ATP2C1: variants seen among roughly 807,000 people sequenced by gnomAD.
ATP2C1 encodes calcium-transporting ATPase type 2C member 1.
Under a neutral mutation model 120.5 loss-of-function variants are expected in ATP2C1, and 31 were observed. The observed-to-expected ratio is 0.26, with a 90% confidence interval of 0.19 to 0.35. ATP2C1 has a LOEUF of 0.35. ATP2C1 is among the 10% of genes least tolerant of loss of function. ATP2C1 has a pLI of 1.00. For missense variants in ATP2C1, 731 were observed against 1,107.5 expected (o/e 0.66, Z 4.83); for synonymous variants, 351 against 358.7 (o/e 0.98, Z 0.24).
At chr3:130,918,666 T>C in intron 2 of ATP2C1, 1 of 538,226 alleles carries the variant, frequency 1.9e-6, no homozygotes, top group Non-Finnish European at 3.5e-6. Context: ...TGTCTTGCTA[T>C]CTAAATTATT....
chr3:131,014,214 G>C (rs772872624), intron 26 of ATP2C1: 1 of 1,592,550 alleles, frequency 6.3e-7, no homozygotes, highest in East Asian at 2.2e-5. Flanking sequence ...TTTTTTTTTT[G>C]AATTTGATCT....
At chr3:130,920,586 A>G (rs964439654) in intron 2 of ATP2C1, among the ~76,000 whole-genome samples, 5 of 152,240 alleles carry the variant, frequency 3.3e-5, no homozygotes, top group Middle Eastern at 3.4e-3. Context: ...GCTTTGTAAT[A>G]TTAATATATT....
chr3:130,977,498 G>C (rs2061577168), intron 18 of ATP2C1, among the ~76,000 whole-genome samples: 1 of 152,144 alleles, frequency 6.6e-6, no homozygotes, highest in Non-Finnish European at 1.5e-5. Context: ...ATAGCAAGAG[G>C]TTTTAAAGTG....
intron 8 of ATP2C1, among the ~76,000 whole-genome samples, chr3:130,951,704 T>C (rs2060375465): frequency 6.6e-6 from 1 of 152,182 alleles, no homozygotes; most frequent in African/African-American, 2.4e-5. Context: ...GGTAATGAAC[T>C]CAGATTTATT....
chr3:130,869,626 T>C (rs947268303), intron 1 of ATP2C1, among the ~76,000 whole-genome samples: 1 of 152,152 alleles, frequency 6.6e-6, no homozygotes, highest in African/African-American at 2.4e-5. Flanking sequence ...AACAGTATTT[T>C]TGCTAATGTG....
intron 6 of ATP2C1, among the ~76,000 whole-genome samples, chr3:130,938,605 G>C (rs1434121466): frequency 6.6e-6 from 1 of 152,196 alleles, no homozygotes; most frequent in Admixed American, 6.5e-5. Context: ...TCAGGGTTCC[G>C]CTTTTAGGGG....
intron 20 of ATP2C1, among the ~76,000 whole-genome samples, chr3:130,986,661 A>G (rs192939324): frequency 6.6e-6 from 1 of 152,296 alleles, no homozygotes; most frequent in African/African-American, 2.4e-5. Flanking sequence ...TTAAAGTGGA[A>G]TTCTATAAAT....
chr3:130,899,298 G>T (rs1162303044), intron 2 of ATP2C1: 1 of 152,086 alleles, frequency 6.6e-6, no homozygotes, highest in Non-Finnish European at 1.5e-5. Context: ...CTCTACTGTT[G>T]CCTGGAAGCC....
chr3:130,932,097 A>G lies in ATP2C1; in HGVS notation c.193A>G (p.Ile65Val). 6.2e-7 allele frequency: 1 copy of G among 1,612,266 alleles called. No homozygotes were observed. Residue 65 changes from isoleucine to valine, a missense_variant, in exon 4 of 28, where the codon ATT (isoleucine) becomes GTT (valine). By Grantham distance (29) the Ile-to-Val change is conservative. Transcript: ENST00000510168. ...CTTTCATGGCTGGAATGAGTTTGAT[A>G]TTAGTGAAGATGAGCCACTGTGGAA... Reference protein sequence around the residue: ...RAFHGWNEFDISEDEPLWKKY... With the variant: ...RAFHGWNEFDVSEDEPLWKKY...
chr3:130,993,575 C>T (rs1022209932), intron 21 of ATP2C1, among the ~76,000 whole-genome samples: 2 of 152,150 alleles, frequency 1.3e-5, no homozygotes, highest in African/African-American at 4.8e-5. Context: ...ATTCTTGGCC[C>T]CTTCCCACTA....
chr3:130,963,713 A>G, intron 12 of ATP2C1: 4 of 451,038 alleles, frequency 8.9e-6, no homozygotes, highest in East Asian at 4.6e-5. Flanking sequence ...GGATCACACA[A>G]GTAAGAGATG....
At chr3:130,956,032 C>G in intron 10 of ATP2C1, 72 bp from the exon 11 acceptor site, 1 of 1,028,872 alleles carries the variant, frequency 9.7e-7, no homozygotes, top group South Asian at 1.3e-5. Context: ...AAGCACTTAG[C>G]AAGCCCCTGG....
intron 5 of ATP2C1, 26 bp from the exon 6 acceptor site, chr3:130,937,402 T>C: frequency 6.2e-7 from 1 of 1,607,000 alleles, no homozygotes; most frequent in Non-Finnish European, 8.5e-7. Context: ...TAATGTCTGA[T>C]TTAAAAGCCT....
chr3:130,934,661 G>A lies in ATP2C1; in HGVS notation c.274G>A (p.Val92Ile). ...PLIMLLLASA[V>I]ISVLMHQFDD... ...TATTATGCTGCTTCTGGCTTCTGCA[G>A]TCATCAGTGTTTTAATGCATCAGTT... The change falls in exon 5 of 28, where the codon GTC becomes ATC. Residue 92 changes from valine to isoleucine, a missense_variant. Physicochemically the swap from Val to Ile is conservative, Grantham distance 29. This residue lies in a region of ATP2C1 where 571 missense variants were observed against 845.9 expected (regional missense o/e 0.67). Transcript: ENST00000510168. 6.2e-7 allele frequency: 1 copy of A among 1,613,514 alleles called. No homozygotes were observed. Among genetic ancestry groups the A allele is most frequent in the South Asian group, 1.1e-5 (1 of 91,070 alleles).
intron 1 of ATP2C1, chr3:130,869,435 A>T (rs1576552490): frequency 1.0e-4 from 3 of 28,938 alleles, no homozygotes; most frequent in Admixed American, 7.3e-4. Flanking sequence ...AAAATAAAAA[A>T]AAAAAAAAAA....
At chr3:130,958,228 G>GTT (rs201847178) in intron 11 of ATP2C1, among the ~76,000 whole-genome samples, 1 of 150,188 alleles carries the variant, frequency 6.7e-6, no homozygotes, top group Admixed American at 6.6e-5. Context: ...GTCAGCAATT[G>GTT]TTTTTTTTTG....
At chr3:130,896,096 T>C (rs2069603580) in intron 2 of ATP2C1, among the ~76,000 whole-genome samples, 1 of 152,252 alleles carries the variant, frequency 6.6e-6, no homozygotes, top group Admixed American at 6.5e-5. Context: ...AATGCATTCA[T>C]ATACTTGTTT....
intron 1 of ATP2C1, among the ~76,000 whole-genome samples, chr3:130,858,656 G>C (rs1190653241): frequency 6.6e-6 from 1 of 152,240 alleles, no homozygotes; most frequent in East Asian, 1.9e-4. Context: ...TGGAATTAGT[G>C]AATGTGGGGA....
chr3:130,892,163 C>A (rs1212835073), upstream of ATP2C1, among the ~76,000 whole-genome samples: 2 of 152,148 alleles, frequency 1.3e-5, no homozygotes, highest in Non-Finnish European at 2.9e-5. Flanking sequence ...ACAGATAGTT[C>A]TGAAAAGTTG....
Sources: allele counts gnomAD v4.1 joint callset (sites outside exome capture counted in the v4.1 genomes callset), GRCh38; gene constraint gnomAD v4.1.1; regional missense constraint gnomAD v4.1.1; transcripts MANE v1.5; gene names NCBI Gene and HGNC (gene_info 2026-07-23, HGNC 2026-07-21).